The following PALLD variants were observed in gnomAD, a reference collection of about 807,000 sequenced individuals.
PALLD encodes palladin.
In PALLD, 61 loss-of-function variants were observed where a neutral mutation model predicts 123.5. The observed-to-expected ratio is 0.49, with a 90% confidence interval of 0.40 to 0.61. PALLD has a LOEUF of 0.61. PALLD is among the 20% of genes least tolerant of loss of function. The pLI is 0.00. For synonymous variants in PALLD, 465 were observed against 496.4 expected (o/e 0.94, Z 0.84); for missense variants, 1,273 against 1,377.0 (o/e 0.92, Z 1.20).
intron 2 of PALLD, among the ~76,000 whole-genome samples, chr4:168,517,653 T>C (rs1378398396): frequency 6.6e-6 from 1 of 152,082 alleles, no homozygotes; most frequent in East Asian, 1.9e-4. Context: ...GGTAAGAAAA[T>C]ATGGTATCTC....
chr4:168,785,620 T>C (rs1427342892), intron 10 of PALLD, among the ~76,000 whole-genome samples: 2 of 151,856 alleles, frequency 1.3e-5, no homozygotes, highest in African/African-American at 4.8e-5. Context: ...AGCTTAATTG[T>C]CCTTCCTCAT....
At chr4:168,707,587 A>G (rs760207849) in intron 8 of PALLD, among the ~76,000 whole-genome samples, 1 of 152,218 alleles carries the variant, frequency 6.6e-6, no homozygotes, top group Non-Finnish European at 1.5e-5. Context: ...GAATTGGCCA[A>G]CAACATCACT....
In PALLD at chr4:168,640,547, C is replaced by T. The variant is rs1263319674; in HGVS notation, c.909-27643C>T. Among the ~76,000 whole-genome samples the T allele has an allele frequency of 3.9e-5, 6 of 152,186 alleles. No individual in the cohort carries two copies. The East Asian group carries it at 9.6e-4, about 24-fold the overall frequency. On this transcript the variant is annotated intron_variant, in intron 2 of 21. Coordinates refer to ENST00000505667, the MANE Select transcript of PALLD (RefSeq NM_001166108.2). ...AATAAGAGATCACCAGAAAGCCTTCCAAGAGGCATGTAGCTAAGGGTCATT... is the reference window on the plus strand; with the variant it reads ...AATAAGAGATCACCAGAAAGCCTTCTAAGAGGCATGTAGCTAAGGGTCATT...
At chr4:168,895,654 T>A (rs986834236) in intron 12 of PALLD, among the ~76,000 whole-genome samples, 1 of 152,004 alleles carries the variant, frequency 6.6e-6, no homozygotes, top group African/African-American at 2.4e-5. Context: ...TAAATTAGAG[T>A]GGTCTGAAGA....
intron 10 of PALLD, among the ~76,000 whole-genome samples, chr4:168,713,645 A>G (rs578005183): frequency 1.3e-5 from 2 of 152,326 alleles, no homozygotes; most frequent in East Asian, 3.9e-4. Flanking sequence ...GGTAATATCT[A>G]CAGAATGTAG....
intron 10 of PALLD, among the ~76,000 whole-genome samples, chr4:168,777,746 G>A (rs1735370461): frequency 6.6e-6 from 1 of 152,168 alleles, no homozygotes; most frequent in African/African-American, 2.4e-5. Context: ...TTACTTCCTT[G>A]GAGAACAATG....
chr4:168,922,100 T>TACACACACACACAC (rs1257662371), intron 18 of PALLD, among the ~76,000 whole-genome samples: 1 of 96,632 alleles, frequency 1.0e-5, no homozygotes, highest in African/African-American at 3.6e-5. Context: ...TATATATATA[T>TACACACACACACAC]ATACACACAC....
At chr4:168,700,050 C>T in intron 8 of PALLD, 1 of 329,954 alleles carries the variant, frequency 3.0e-6, no homozygotes. Context: ...GAGTGAGATG[C>T]CACCAGATGA....
chr4:168,536,724 T>A (rs1353804870), intron 2 of PALLD: 3 of 152,048 alleles, frequency 2.0e-5, no homozygotes, highest in African/African-American at 7.3e-5. Flanking sequence ...TTCAATTACC[T>A]CCACCTGGTC....
intron 10 of PALLD, among the ~76,000 whole-genome samples, chr4:168,809,863 C>CAA (rs71588165): frequency 0.57 from 75,346 of 131,680 alleles, 21,134 homozygotes; most frequent in Non-Finnish European, 0.63. Context: ...GACTCTGTCT[C>CAA]AAAAAAAAAA....
At chr4:168,534,946 C>A (rs1467003569) in intron 2 of PALLD, among the ~76,000 whole-genome samples, 1 of 152,140 alleles carries the variant, frequency 6.6e-6, no homozygotes, top group Non-Finnish European at 1.5e-5. Context: ...CAACCAATCT[C>A]AGATTGAAAA....
intron 10 of PALLD, among the ~76,000 whole-genome samples, chr4:168,779,628 A>G (rs959158820): frequency 1.3e-5 from 2 of 152,094 alleles, no homozygotes; most frequent in Non-Finnish European, 2.9e-5. Context: ...CTTTTAATGC[A>G]CCACAAGGTA....
intron 10 of PALLD, among the ~76,000 whole-genome samples, chr4:168,880,343 A>G (rs997571365): frequency 1.3e-5 from 2 of 152,210 alleles, no homozygotes; most frequent in African/African-American, 4.8e-5. Context: ...TTTTGTGGCC[A>G]TGGAAAACTG....
chr4:168,789,904 A>T (rs972967444), intron 10 of PALLD, among the ~76,000 whole-genome samples: 5 of 152,154 alleles, frequency 3.3e-5, no homozygotes, highest in Non-Finnish European at 5.9e-5. Flanking sequence ...TTTATTTTTA[A>T]CTTAACACCG....
chr4:168,658,284 G>GTTTTTTTTTTTTTTTTTT (rs755942969), intron 2 of PALLD, among the ~76,000 whole-genome samples: 4 of 120,768 alleles, frequency 3.3e-5, no homozygotes, highest in African/African-American at 6.9e-5. Context: ...GTTTTTATTT[G>GTTTTTTTTTTTTTTTTTT]GTTTTTTTTT....
chr4:168,759,202 AATATATATATATATATATATAT>A lies in PALLD; in HGVS notation c.1964+47301_1964+47322del, dbSNP rs147474708. Among the ~76,000 whole-genome samples the A allele has an allele frequency of 2.1e-3, 46 of 22,308 alleles. 7 individuals are homozygous for A. Among genetic ancestry groups the A allele is most frequent in the African/African-American group, 6.1e-3 (42 of 6,914 alleles). 14.6% of individuals were successfully genotyped at this position (22,308 alleles called of 152,430 possible). ...CTCAAAAAAAAAAAAAAAAAAAAAAAATATATATATATATATATATATATATATATATATATATATATAGAAA... is the reference window on the plus strand; with the variant it reads ...CTCAAAAAAAAAAAAAAAAAAAAAAAATATATATATATATATATATAGAAA... On this transcript the variant is annotated intron_variant, in intron 10 of 21. Coordinates refer to ENST00000505667, the MANE Select transcript of PALLD (RefSeq NM_001166108.2).
rs534002339 is a variant in PALLD, at chr4:168,560,169, G to T, written c.908+47757G>T. On this transcript the variant is annotated intron_variant, in intron 2 of 21. Coordinates refer to ENST00000505667, the MANE Select transcript of PALLD (RefSeq NM_001166108.2). ...AAATGGGTTGTAGAATGTTCTTTCT[G>T]AAGACCCATAATTAGATTTCTAGCT... is the stretch of plus-strand genomic sequence containing the variant. Among the ~76,000 whole-genome samples, 25 of 152,258 alleles carry T rather than the reference G, an allele frequency of 1.6e-4. 1 individual carries two copies. The South Asian group carries it at 5.0e-3, about 30-fold the overall frequency.
intron 1 of PALLD, among the ~76,000 whole-genome samples, chr4:168,505,769 A>G (rs1299730617): frequency 6.6e-6 from 1 of 152,258 alleles, no homozygotes; most frequent in Non-Finnish European, 1.5e-5. Context: ...GTCCATTATT[A>G]GCCATTATCA....
Position 168,610,587 on chromosome 4 carries a change from T to C in PALLD, c.909-57603T>C, listed in dbSNP as rs569432441. On this transcript the variant is annotated intron_variant, in intron 2 of 21. Transcript: ENST00000505667. ...CACGTGCTCTTTAGCAGCCATTCAG[T>C]GGCAATCTGGCAATGCACAAGACCA... Among the ~76,000 whole-genome samples the C allele has an allele frequency of 3.0e-4, 46 of 152,296 alleles. No individual in the cohort carries two copies. In the South Asian group the frequency reaches 9.3e-3, roughly 31 times the overall value.
Sources: gnomAD v4.1 joint callset for allele counts (sites outside exome capture counted in the v4.1 genomes callset) on GRCh38, gnomAD v4.1.1 for gene constraint, MANE v1.5 for transcripts, NCBI Gene and HGNC (gene_info 2026-07-23, HGNC 2026-07-21) for gene names.